The following TKTL1 variants were observed in gnomAD, a reference collection of about 807,000 sequenced individuals.
TKTL1 encodes transketolase-like protein 1.
Under a neutral mutation model 39.3 loss-of-function variants are expected in TKTL1, and 1 was observed. The ratio of observed to expected loss-of-function variants is 0.03; its 90% CI spans 0.01 to 0.12. The LOEUF is 0.12. Among genes scored for constraint, TKTL1 ranks in the 10% least tolerant of loss-of-function variants. The pLI, the probability that TKTL1 is intolerant of heterozygous loss-of-function variation, is 1.00. For synonymous variants in TKTL1, 262 were observed against 193.8 expected (o/e 1.35, Z -2.92); for missense variants, 575 against 509.6 (o/e 1.13, Z -1.24).
intron 7 of TKTL1, among the ~76,000 whole-genome samples, chrX:154,320,102 G>A (rs1378016796): frequency 1.8e-5 from 2 of 112,430 alleles, no homozygotes; most frequent in African/African-American, 3.2e-5. Context: ...TGCAGAAACC[G>A]AGAGGAGGAA....
intron 10 of TKTL1, 85 bp from the exon 11 acceptor site, chrX:154,327,506 T>C (rs2067501878): frequency 8.8e-6 from 7 of 798,339 alleles, no homozygotes. Context: ...AATTGGGGGA[T>C]AGCGGCATAG....
At chrX:154,317,379 C>T (rs1253003560) in intron 7 of TKTL1, among the ~76,000 whole-genome samples, 1 of 111,449 alleles carries the variant, frequency 9.0e-6, no homozygotes, top group Non-Finnish European at 1.9e-5. Flanking sequence ...CAGCCGTGTG[C>T]AGATGTGGGA....
At chrX:154,325,105 G>GA (rs1345742069) in intron 9 of TKTL1, among the ~76,000 whole-genome samples, 2 of 111,989 alleles carry the variant, frequency 1.8e-5, no homozygotes, top group Non-Finnish European at 3.8e-5. Context: ...GAGTATTGGG[G>GA]AATCTTCCAA....
At chrX:154,296,882 G>A (rs1455006957) in intron 1 of TKTL1, among the ~76,000 whole-genome samples, 1 of 112,042 alleles carries the variant, frequency 8.9e-6, no homozygotes, top group African/African-American at 3.2e-5. Flanking sequence ...TGGGCGTGGT[G>A]GCACGTGCCT....
chrX:154,298,210 C>T (rs2067245894), intron 1 of TKTL1, among the ~76,000 whole-genome samples: 1 of 110,252 alleles, frequency 9.1e-6, no homozygotes, highest in African/African-American at 3.3e-5. Flanking sequence ...TCCACTTTAA[C>T]TTGATTGTAC....
At chrX:154,315,084 C>T (rs2067387318) in intron 6 of TKTL1, 89 bp from the exon 7 acceptor site, 3 of 958,941 alleles carry the variant, frequency 3.1e-6, no homozygotes, top group Non-Finnish European at 4.3e-6. Flanking sequence ...GATAATTTGT[C>T]ATTCTACAAT....
intron 10 of TKTL1, among the ~76,000 whole-genome samples, 179 bp downstream of exon 10, chrX:154,325,601 A>T (rs2067488112): frequency 1.8e-5 from 2 of 112,570 alleles, no homozygotes; most frequent in South Asian, 7.2e-4. Context: ...TATGAATTTC[A>T]GCTTAGCCTG....
chrX:154,305,288 C>T lies in TKTL1; in HGVS notation c.135-16C>T. The T allele has an allele frequency of 8.3e-7, 1 of 1,202,962 alleles. No homozygotes were observed. The highest frequency in any genetic ancestry group is 1.1e-6 in the Non-Finnish European group (1 of 888,656). On this transcript the variant is annotated splice_polypyrimidine_tract_variant and intron_variant, in intron 1 of 12. Coordinates refer to ENST00000369915, the MANE Select transcript of TKTL1 (RefSeq NM_012253.4). ...AGTTGCTGTGAGAAATGACCAGTGT[C>T]ATGTCTGTCTTTCAGCCACCCTACA...
At chrX:154,327,283 A>G (rs1290926770) in intron 10 of TKTL1, 5 of 450,769 alleles carry the variant, frequency 1.1e-5, no homozygotes, top group African/African-American at 7.2e-5. Context: ...CGTGTTGCCA[A>G]TGCCCAGAAT....
intron 6 of TKTL1, among the ~76,000 whole-genome samples, chrX:154,314,464 G>A (rs1290734768): frequency 9.0e-6 from 1 of 111,511 alleles, no homozygotes; most frequent in Admixed American, 9.5e-5. Context: ...TCTAGTGTTA[G>A]GTTAAAGGAA....
intron 1 of TKTL1, among the ~76,000 whole-genome samples, chrX:154,296,754 C>T (rs1281457509): frequency 9.0e-6 from 1 of 111,586 alleles, no homozygotes; most frequent in African/African-American, 3.3e-5. Context: ...TGGCTGCCAC[C>T]TGTAATCCCA....
chrX:154,299,452 G>A (rs2067256500), intron 1 of TKTL1, among the ~76,000 whole-genome samples: 1 of 110,680 alleles, frequency 9.0e-6, no homozygotes, highest in African/African-American at 3.3e-5. Context: ...ACCGCACCCA[G>A]CCTCTCATTT....
At chrX:154,305,865 T>G (rs1020764703) in intron 2 of TKTL1, among the ~76,000 whole-genome samples, 1 of 111,422 alleles carries the variant, frequency 9.0e-6, no homozygotes, top group African/African-American at 3.3e-5. Context: ...TGATGGGCAC[T>G]TCTCATGAGA....
At chrX:154,320,635 G>GT in intron 7 of TKTL1, 122 bp from the exon 8 acceptor site, 1 of 716,912 alleles carries the variant, frequency 1.4e-6, no homozygotes, top group Non-Finnish European at 2.1e-6. Context: ...TGGGAAGGAC[G>GT]CATGCTAGAA....
At chrX:154,318,465 C>T (rs1485984636) in intron 7 of TKTL1, among the ~76,000 whole-genome samples, 13 of 106,486 alleles carry the variant, frequency 1.2e-4, no homozygotes, top group Non-Finnish European at 2.1e-4. Context: ...TTTGGGAGGC[C>T]GAGGCGGACG....
intron 7 of TKTL1, 116 bp from the exon 8 acceptor site, chrX:154,320,641 T>C: frequency 3.9e-6 from 3 of 774,905 alleles, no homozygotes; most frequent in East Asian, 3.2e-5. Context: ...GGACGCATGC[T>C]AGAACTTCAG....
intron 1 of TKTL1, among the ~76,000 whole-genome samples, chrX:154,301,130 C>A (rs782134661): frequency 8.9e-6 from 1 of 111,911 alleles, no homozygotes; most frequent in Admixed American, 9.5e-5. Flanking sequence ...TTAATTTTCA[C>A]AAATTTGTGA....
chrX:154,297,922 TGAG>T (rs1216221834), intron 1 of TKTL1, among the ~76,000 whole-genome samples: 5 of 111,957 alleles, frequency 4.5e-5, no homozygotes, highest in African/African-American at 9.7e-5. Flanking sequence ...AATTTTTTTT[TGAG>T]GAGTTTGAAG....
chrX:154,320,480 G>T, intron 7 of TKTL1: 1 of 361,716 alleles, frequency 2.8e-6, no homozygotes, highest in Non-Finnish European at 4.8e-6. Flanking sequence ...AGGATGTCCT[G>T]TCGGGGCATG....
Sources: allele counts gnomAD v4.1 joint callset (sites outside exome capture counted in the v4.1 genomes callset), GRCh38; gene constraint gnomAD v4.1.1; transcripts MANE v1.5; gene names NCBI Gene and HGNC (gene_info 2026-07-23, HGNC 2026-07-21).